Variants in TSHZ3 observed in about 807,000 individuals in gnomAD.
TSHZ3 encodes the protein teashirt homolog 3.
TSHZ3 carries 10 observed loss-of-function variants against 64.5 expected under a neutral mutation model. That is an observed-to-expected ratio of 0.16 (90% CI 0.10 to 0.26). The LOEUF (loss-of-function observed/expected upper bound fraction) is 0.26. Ranked by LOEUF, TSHZ3 falls within the 10% of genes least tolerant of loss-of-function variation. The pLI, the probability that TSHZ3 is intolerant of heterozygous loss-of-function variation, is 1.00. For missense variants in TSHZ3, 1,242 were observed against 1,421.7 expected (o/e 0.87, Z 2.03); for synonymous variants, 608 against 593.1 (o/e 1.03, Z -0.36).
chr19:31,349,914 C>A (rs2021658336), upstream of TSHZ3, among the ~76,000 whole-genome samples: 1 of 146,726 alleles, frequency 6.8e-6, no homozygotes, highest in South Asian at 2.1e-4. Context: ...CCCCCGCCCC[C>A]GGCCCCAGGC....
intron 1 of TSHZ3, among the ~76,000 whole-genome samples, chr19:31,280,849 G>GT (rs895494825): frequency 1.4e-4 from 21 of 152,158 alleles, no homozygotes; most frequent in South Asian, 4.2e-4. Flanking sequence ...GCAACAGGGT[G>GT]TTTTTTTTGT....
At position 31,257,293 on chromosome 19, in the gene TSHZ3, G is replaced by A. The variant is rs186309487; in HGVS notation, n.64-14418C>T. 8.0e-4 allele frequency among the ~76,000 whole-genome samples: 122 copies of A among 152,332 alleles called. 2 individuals are homozygous for A. The highest frequency in any genetic ancestry group is 2.7e-3 in the African/African-American group (112 of 41,570). ...CTAAGCCCAGACACCAGCCCCAGAG[G>A]GCTGGCCTGGGAAAGCCAACCAGAG... On this transcript the variant is annotated intron_variant and non_coding_transcript_variant, in intron 1 of 6. Transcript: ENST00000651361.
chr19:31,181,540 C>G (rs948065217), intron 5 of TSHZ3, among the ~76,000 whole-genome samples: 1 of 151,998 alleles, frequency 6.6e-6, no homozygotes, highest in African/African-American at 2.4e-5. Flanking sequence ...GGAGGGAGAA[C>G]GGAGACAGTG....
At chr19:31,229,502 G>C (rs1281561844) in intron 3 of TSHZ3, among the ~76,000 whole-genome samples, 1 of 152,100 alleles carries the variant, frequency 6.6e-6, no homozygotes, top group African/African-American at 2.4e-5. Context: ...ATGTCAAGCG[G>C]ATTATAAATT....
intron 4 of TSHZ3, among the ~76,000 whole-genome samples, chr19:31,226,229 C>A (rs987552830): frequency 3.9e-5 from 6 of 152,050 alleles, no homozygotes; most frequent in African/African-American, 1.4e-4. Context: ...CCACTTCTTC[C>A]CATACCATTT....
At chr19:31,216,071 G>A (rs1011571429) in intron 4 of TSHZ3, among the ~76,000 whole-genome samples, 12 of 130,942 alleles carry the variant, frequency 9.2e-5, no homozygotes, top group South Asian at 5.4e-4. Context: ...TACAACTCAC[G>A]TTCTTTATGA....
At chr19:31,184,802 C>T (rs2145130995) in intron 5 of TSHZ3, among the ~76,000 whole-genome samples, 1 of 152,266 alleles carries the variant, frequency 6.6e-6, no homozygotes, top group South Asian at 2.1e-4. Context: ...ATCACCGCGG[C>T]TTCATAAAGA....
chr19:31,277,112 C>A lies in TSHZ3; in HGVS notation c.2681G>T (p.Arg894Leu). 1 of 1,602,500 alleles carries A rather than the reference C, an allele frequency of 6.2e-7. No individual in the cohort carries two copies. The highest frequency in any genetic ancestry group is 8.5e-7 in the Non-Finnish European group (1 of 1,173,158). The change falls in exon 2 of 2, where the codon CGC (arginine) becomes CTC (leucine). Residue 894 changes from arginine (R) to leucine (L), a missense_variant. This residue lies in a region of TSHZ3 where 550 missense variants were observed against 545.1 expected (regional missense o/e 1.01). Coordinates refer to ENST00000240587, the MANE Select transcript of TSHZ3 (RefSeq NM_020856.4). The surrounding 1 kb of genome is among the most constrained non-coding windows in gnomAD (Gnocchi z 4.5). ...ESTPAQKRKGRQSNWNPQHLL... is the reference protein window; with the variant it reads ...ESTPAQKRKGLQSNWNPQHLL... ...GTGCTGGGGGTTCCAGTTTGACTGG[C>A]GGCCCTTCCTCTTCTGGGCGGGCGT...
chr19:31,306,101 G>A (rs1292819455), intron 1 of TSHZ3, among the ~76,000 whole-genome samples: 2 of 152,172 alleles, frequency 1.3e-5, no homozygotes, highest in African/African-American at 2.4e-5. Context: ...AGTGCCAGGC[G>A]GGGAGTGACG....
chr19:31,310,080 C>G (rs563699148), intron 1 of TSHZ3, among the ~76,000 whole-genome samples: 1 of 152,270 alleles, frequency 6.6e-6, no homozygotes, highest in African/African-American at 2.4e-5. Flanking sequence ...GTATGTTTTC[C>G]TTCCTTGAGT....
chr19:31,150,950 A>G (rs1157849871), exon 7 of TSHZ3, among the ~76,000 whole-genome samples: 1 of 152,126 alleles, frequency 6.6e-6, no homozygotes, highest in African/African-American at 2.4e-5. Context: ...AAGACCTTCC[A>G]TATCTCTGCA....
intron 1 of TSHZ3, among the ~76,000 whole-genome samples, chr19:31,333,015 G>A (rs1326350392): frequency 1.3e-5 from 2 of 151,912 alleles, no homozygotes; most frequent in African/African-American, 4.8e-5. Flanking sequence ...TGAGGTGGGA[G>A]GACTGTCTGA....
At chr19:31,156,478 C>T (rs189299065) in intron 5 of TSHZ3, among the ~76,000 whole-genome samples, 391 of 152,224 alleles carry the variant, frequency 2.6e-3, no homozygotes, top group African/African-American at 4.2e-3. Context: ...CAGTTTTTGT[C>T]GGTCGGGAGC....
intron 5 of TSHZ3, among the ~76,000 whole-genome samples, chr19:31,159,199 C>A (rs1288802414): frequency 6.6e-6 from 1 of 152,170 alleles, no homozygotes; most frequent in African/African-American, 2.4e-5. Context: ...GGGGGTTTCA[C>A]CATTTTGGCC....
chr19:31,151,576 A>G (rs189405967), exon 7 of TSHZ3, among the ~76,000 whole-genome samples: 1 of 152,306 alleles, frequency 6.6e-6, no homozygotes, highest in African/African-American at 2.4e-5. Context: ...TGTTTCATAA[A>G]TTCCATAAGG....
Position 31,279,755 on chromosome 19 carries a change from G to A in TSHZ3, c.41-3C>T. The A allele has an allele frequency of 2.7e-6, 4 of 1,488,380 alleles. No individual in the cohort carries two copies. Among genetic ancestry groups the A allele is most frequent in the Non-Finnish European group, 3.6e-6 (4 of 1,119,398 alleles). 92.2% of individuals were successfully genotyped at this position (1,488,380 alleles called of 1,614,324 possible). On this transcript the variant is annotated splice_region_variant and splice_polypyrimidine_tract_variant and intron_variant, in intron 1 of 1. Transcript: ENST00000240587. This position sits in a 1 kb window ranked among gnomAD's most constrained non-coding sequence, Gnocchi z 6.4. ...CTTTAACTCTTCGGAAACATAGGCT[G>A]CCATGATAACAGGTGGGAAAGAGAG...
intron 6 of TSHZ3, among the ~76,000 whole-genome samples, chr19:31,153,033 A>G (rs1294598622): frequency 6.6e-6 from 1 of 152,222 alleles, no homozygotes; most frequent in African/African-American, 2.4e-5. Context: ...AACTTCATTT[A>G]GGCTGTCTTT....
intron 1 of TSHZ3, among the ~76,000 whole-genome samples, chr19:31,316,853 G>C (rs1916616869): frequency 6.6e-6 from 1 of 152,116 alleles, no homozygotes; most frequent in African/African-American, 2.4e-5. Flanking sequence ...CTGTGTCACT[G>C]AACAGTCTTT....
intron 1 of TSHZ3, among the ~76,000 whole-genome samples, chr19:31,243,006 A>G (rs898849934): frequency 6.6e-6 from 1 of 152,110 alleles, no homozygotes. Context: ...TCACCCTCCA[A>G]TCTCCTCCAG....
Sources: gnomAD v4.1 joint callset for allele counts (sites outside exome capture counted in the v4.1 genomes callset) on GRCh38, gnomAD v4.1.1 for gene constraint, gnomAD v4.1.1 regional missense constraint, Gnocchi (gnomAD v3.1) non-coding constraint, MANE v1.5 for transcripts, NCBI Gene and HGNC (gene_info 2026-07-23, HGNC 2026-07-21) for gene names.